The following NIPBL variants were observed in gnomAD, a reference collection of about 807,000 sequenced individuals.
The protein encoded by NIPBL is NIPBL cohesin loading factor, also known as nipped-B-like protein.
Under a neutral mutation model 321.8 loss-of-function variants are expected in NIPBL, and 19 were observed. The observed-to-expected ratio is 0.06, with a 90% CI of 0.04 to 0.09. The LOEUF (loss-of-function observed/expected upper bound fraction) is 0.09, where lower values mean the gene tolerates loss of function less well. NIPBL is among the 10% of genes least tolerant of loss of function. The pLI is 1.00. For missense variants in NIPBL, 2,210 were observed against 3,327.0 expected, an observed-to-expected ratio of 0.66 and a Z score of 8.26; for synonymous variants, 1,106 against 1,114.1, an observed-to-expected ratio of 0.99 and a Z score of 0.14.
chr5:36,878,678 A>G (rs158796), intron 1 of NIPBL, among the ~76,000 whole-genome samples: 86,643 of 152,052 alleles, frequency 0.57, 26,936 homozygotes, highest in African/African-American at 0.83. Flanking sequence ...TAGCGTCCTG[A>G]TTACAATAAA....
At position 36,956,641 on chromosome 5, in the gene NIPBL, T is replaced by G. The variant is rs868862479; in HGVS notation, c.230+1004T>G. ...CTTTTTTTTTTTTTTTTTTTTTTTT[T>G]TGAGATGGAGTCTTGCTCTGTTGCC... On this transcript the variant is annotated intron_variant, in intron 3 of 46. Coordinates refer to ENST00000282516, the MANE Select transcript of NIPBL (RefSeq NM_133433.4). Among the ~76,000 whole-genome samples the G allele has an allele frequency of 7.8e-3, 1,138 of 145,044 alleles. 5 individuals carry two copies. Among genetic ancestry groups the G allele is most frequent in the African/African-American group, 0.028 (1,095 of 38,486 alleles).
chr5:36,952,051 T>TGCGC lies in NIPBL; in HGVS notation c.-79-1566_-79-1565insCGCG, dbSNP rs1554010252. 3.9e-3 allele frequency among the ~76,000 whole-genome samples: 397 copies of TGCGC among 102,820 alleles called. 2 individuals are homozygous for TGCGC. Among genetic ancestry groups the TGCGC allele is most frequent in the Admixed American group, 7.8e-3 (71 of 9,154 alleles). 67.5% of individuals were successfully genotyped at this position (102,820 alleles called of 152,430 possible). A position where few individuals can be genotyped will look rare whatever the true frequency, so the allele number is the denominator to read the frequency against. On this transcript the variant is annotated intron_variant, in intron 1 of 46. Transcript: ENST00000282516. ...GTGTGTGTGTGTGTGTGTGTGTGTG[T>TGCGC]GTGCGCGCGCGCGCGCGCGCGCATG...
At position 37,020,132 on chromosome 5, in the gene NIPBL, G is replaced by A. The variant is rs570388540; in HGVS notation, c.5011-327G>A. ...TATCAATTTGTTTTAAACTTTCCTA[G>A]TTGACCCATCATCTGTTTAACTTTG... On this transcript the variant is annotated intron_variant, in intron 25 of 46. Transcript: ENST00000282516. 3.2e-4 allele frequency among the ~76,000 whole-genome samples: 49 copies of A among 152,256 alleles called. No individual in the cohort carries two copies. In the South Asian group the frequency reaches 9.9e-3, roughly 31 times the overall value.
Position 36,976,487 on chromosome 5 carries a change from C to T in NIPBL, c.1495+85C>T, listed in dbSNP as rs1486587159. ...AAAATTTTTTTCACATTACTTTTTT[C>T]CCGAATATTTTGTATAATTTATGTC... On this transcript the variant is annotated intron_variant, in intron 9 of 46. Coordinates refer to ENST00000282516, the MANE Select transcript of NIPBL (RefSeq NM_133433.4). 2.2e-6 allele frequency: 3 copies of T among 1,364,008 alleles called. No homozygotes were observed. In the East Asian group the frequency reaches 7.2e-5, roughly 33 times the overall value. 84.5% of individuals were successfully genotyped at this position (1,364,008 alleles called of 1,614,324 possible).
chr5:37,019,286 T>G, intron 24 of NIPBL, 25 bp from the exon 25 acceptor site: 1 of 1,457,686 alleles, frequency 6.9e-7, no homozygotes, highest in Non-Finnish European at 9.6e-7. Flanking sequence ...ATATCTTTTT[T>G]GTTCTTATTT....
intron 21 of NIPBL, among the ~76,000 whole-genome samples, chr5:37,012,299 G>T (rs1388082098): frequency 1.3e-5 from 2 of 149,802 alleles, no homozygotes; most frequent in East Asian, 3.9e-4. Flanking sequence ...ACAGGCACGC[G>T]CCACCATGCC....
chr5:36,961,591 A>G lies in NIPBL; in HGVS notation c.458+8A>G. On this transcript the variant is annotated splice_region_variant and intron_variant, in intron 5 of 46. Coordinates refer to ENST00000282516, the MANE Select transcript of NIPBL (RefSeq NM_133433.4). Reference sequence around the variant, plus strand: ...CTCACATAGCCCCTCCAGGTAATATATGTATATATCGTTTATTAAATATTG... The same window carrying G: ...CTCACATAGCCCCTCCAGGTAATATGTGTATATATCGTTTATTAAATATTG... 4.1e-6 allele frequency: 6 copies of G among 1,456,612 alleles called. No homozygotes were observed. Among genetic ancestry groups the G allele is most frequent in the Non-Finnish European group, 5.8e-6 (6 of 1,036,506 alleles). The allele number at this position is 1,456,612 out of a possible 1,614,324, so 90.2% of individuals were successfully genotyped here. A position where few individuals can be genotyped will look rare whatever the true frequency, so the allele number is the denominator to read the frequency against.
intron 38 of NIPBL, among the ~76,000 whole-genome samples, chr5:37,046,942 T>C (rs1413850704): frequency 6.6e-6 from 1 of 152,186 alleles, no homozygotes; most frequent in Non-Finnish European, 1.5e-5. Context: ...GGGTTTCACA[T>C]CTGTGGATTT....
intron 8 of NIPBL, among the ~76,000 whole-genome samples, chr5:36,972,271 A>G (rs995948459): frequency 2.0e-5 from 3 of 152,162 alleles, no homozygotes; most frequent in Non-Finnish European, 2.9e-5. Context: ...ATTCTCGGAT[A>G]CATCCAGTAT....
chr5:37,045,423 AT>A lies in NIPBL; in HGVS notation c.6344-19del. The A allele has an allele frequency of 6.6e-7, 1 of 1,521,994 alleles. No homozygotes were observed. The highest frequency in any genetic ancestry group is 9.1e-7 in the Non-Finnish European group (1 of 1,099,962). 94.3% of individuals were successfully genotyped at this position (1,521,994 alleles called of 1,614,324 possible). On this transcript the variant is annotated intron_variant, in intron 36 of 46. Coordinates refer to ENST00000282516, the MANE Select transcript of NIPBL (RefSeq NM_133433.4). ...ATTCAAAGATAAATATTATAAGTAA[AT>A]ATTACTTATCTTTATTAGGTGCCAT...
In NIPBL at chr5:37,059,031, C is replaced by G; in HGVS notation, c.7551C>G (p.Asp2517Glu). 1 of 1,613,982 alleles carries G rather than the reference C, an allele frequency of 6.2e-7. No individual in the cohort carries two copies. Among genetic ancestry groups the G allele is most frequent in the Non-Finnish European group, 8.5e-7 (1 of 1,179,988 alleles). Residue 2517 changes from aspartate to glutamate, a missense_variant, in exon 44 of 47, where the codon GAC (aspartate) becomes GAG (glutamate). Asp to Glu is a conservative substitution (Grantham distance 45). Transcript: ENST00000282516. ...CAGATTCAGATTCAGATTCAGAAGA[C>G]GATATAAATTCAGTGATGAAATGTT... The part of the protein sequence containing the change: ...VDSDSDSDSE[D>E]DINSVMKCLP...
intron 1 of NIPBL, among the ~76,000 whole-genome samples, chr5:36,889,701 T>C (rs1746174915): frequency 6.6e-6 from 1 of 152,198 alleles, no homozygotes; most frequent in African/African-American, 2.4e-5. Context: ...GATTCTGATA[T>C]TTTAAACTGG....
chr5:37,048,780 AT>A lies in NIPBL; in HGVS notation c.6763+107del, dbSNP rs554038679. 1.1e-4 allele frequency: 100 copies of A among 950,308 alleles called. No individual in the cohort carries two copies. In the African/African-American group the frequency reaches 1.5e-3, roughly 14 times the overall value. 58.9% of individuals were successfully genotyped at this position (950,308 alleles called of 1,614,324 possible). ...ATTTCCTTATTTGTTAGATGAAGAA[AT>A]TCAGTTAAATAGCAGTCCTTATGCT... On this transcript the variant is annotated intron_variant, in intron 39 of 46. Coordinates refer to ENST00000282516, the MANE Select transcript of NIPBL (RefSeq NM_133433.4).
At chr5:36,938,771 A>T (rs1738742798) in intron 1 of NIPBL, among the ~76,000 whole-genome samples, 1 of 152,172 alleles carries the variant, frequency 6.6e-6, no homozygotes, top group African/African-American at 2.4e-5. Context: ...ACAATAATAC[A>T]ATTTTACATA....
Position 37,064,672 on chromosome 5 carries a change from G to T in NIPBL, c.8195G>T (p.Ser2732Ile), listed in dbSNP as rs887693080. The change falls in exon 47 of 47, where the codon AGC becomes ATC. Residue 2732 changes from serine to isoleucine, a missense_variant. Coordinates refer to ENST00000282516, the MANE Select transcript of NIPBL (RefSeq NM_133433.4). ...ATTGCAAGAGTAGTGCAGAAAACCA[G>T]CAGTGGCTTCAGTGTTCAGTGGATG... The part of the protein sequence containing the change: ...PQIARVVQKT[S>I]SGFSVQWMAG... The T allele has an allele frequency of 6.2e-7, 1 of 1,614,064 alleles. No homozygotes were observed. Among genetic ancestry groups the T allele is most frequent in the Non-Finnish European group, 8.5e-7 (1 of 1,180,040 alleles).
rs1755271509 is a variant in NIPBL at position 37,065,361 on chromosome 5, T to C, written c.*469T>C. On this transcript the variant is annotated 3_prime_UTR_variant, in exon 47 of 47. Transcript: ENST00000282516. The stretch of plus-strand genomic sequence containing the variant: ...TGTTGAAAAAAAAAAAAGCATGCAG[T>C]ATCTATGACCTATCTGCAGAAGGAG... The C allele has an allele frequency of 5.8e-6, 1 of 171,626 alleles. No homozygotes were observed. The highest frequency in any genetic ancestry group is 1.2e-5 in the Non-Finnish European group (1 of 80,806). 10.6% of individuals were successfully genotyped at this position (171,626 alleles called of 1,614,324 possible).
Position 37,010,341 on chromosome 5 carries a change from AG to A in NIPBL, c.4560+117del, listed in dbSNP as rs1747967703. 3.5e-6 allele frequency: 3 copies of A among 865,368 alleles called. No homozygotes were observed. The African/African-American group carries it at 5.2e-5, about 15-fold the overall frequency. The allele number at this position is 865,368 out of a possible 1,614,324, so 53.6% of individuals were successfully genotyped here. A position where few individuals can be genotyped will look rare whatever the true frequency, so the allele number is the denominator to read the frequency against. Reference sequence around the variant, plus strand: ...TTTTTCTTTCTTTTTTTTGAGACGGAGTCTCGCTCTGTCACCCAGGCTGGAG... The same window carrying A: ...TTTTTCTTTCTTTTTTTTGAGACGGATCTCGCTCTGTCACCCAGGCTGGAG... On this transcript the variant is annotated intron_variant, in intron 21 of 46. Transcript: ENST00000282516.
chr5:37,007,985 A>G (rs910663589), intron 18 of NIPBL, 23 bp from the exon 19 acceptor site: 2 of 1,376,336 alleles, frequency 1.5e-6, no homozygotes, highest in Middle Eastern at 1.8e-4. Context: ...GGTGTATACT[A>G]CTTACTCTTC....
intron 11 of NIPBL, 97 bp downstream of exon 11, chr5:36,995,901 TCACCTTAATTCTTA>T: frequency 9.7e-7 from 1 of 1,034,526 alleles, no homozygotes; most frequent in Non-Finnish European, 1.5e-6. Flanking sequence ...AAAAGCACAG[TCACCTTAATTCTTA>T]ATAACACAGT....
Sources: allele counts gnomAD v4.1 joint callset (sites outside exome capture counted in the v4.1 genomes callset), GRCh38; gene constraint gnomAD v4.1.1; transcripts MANE v1.5; gene names NCBI Gene and HGNC (gene_info 2026-07-23, HGNC 2026-07-21).